Variants in ATG7 observed in about 807,000 individuals in gnomAD.
ATG7 encodes ubiquitin-like modifier-activating enzyme ATG7.
ATG7 carries 70 observed loss-of-function variants against 82.4 expected under a neutral mutation model. That is an observed-to-expected ratio of 0.85 (90% CI 0.70 to 1.04). The LOEUF (loss-of-function observed/expected upper bound fraction) is 1.04. Ranked by LOEUF, ATG7 falls within the 50% of genes least tolerant of loss-of-function variation. ATG7 has a pLI of 0.00. For missense variants in ATG7, 792 were observed against 864.3 expected (o/e 0.92, Z 1.05); for synonymous variants, 287 against 313.0 (o/e 0.92, Z 0.88).
chr3:11,451,886 G>GAT (rs1553675422), intron 20 of ATG7, among the ~76,000 whole-genome samples: 4 of 145,426 alleles, frequency 2.8e-5, no homozygotes, highest in African/African-American at 1.0e-4. Flanking sequence ...CACACACACA[G>GAT]ACACACACAC....
At chr3:11,524,228 C>G (rs1405691818) in intron 20 of ATG7, among the ~76,000 whole-genome samples, 2 of 152,182 alleles carry the variant, frequency 1.3e-5, no homozygotes, top group Non-Finnish European at 2.9e-5. Flanking sequence ...CTTAGTTAAG[C>G]TGAAGTTGAA....
chr3:11,440,673 G>GTTTTTTT (rs2083836620), intron 20 of ATG7, among the ~76,000 whole-genome samples: 7 of 32,698 alleles, frequency 2.1e-4, no homozygotes, highest in South Asian at 1.8e-3. Context: ...GTCCCCATTT[G>GTTTTTTT]CTTTTTTTTT....
At chr3:11,355,287 C>T (rs1001436236) in intron 14 of ATG7, among the ~76,000 whole-genome samples, 6 of 152,028 alleles carry the variant, frequency 3.9e-5, no homozygotes, top group African/African-American at 7.3e-5. Context: ...CCAGAATGGC[C>T]CCTATAAAGT....
intron 20 of ATG7, among the ~76,000 whole-genome samples, chr3:11,499,146 A>G (rs2091114726): frequency 6.6e-6 from 1 of 152,194 alleles, no homozygotes; most frequent in South Asian, 2.1e-4. Context: ...AAGAAAATAT[A>G]ATCATTTTAT....
chr3:11,274,030 T>C (rs963145132), intron 1 of ATG7, among the ~76,000 whole-genome samples: 22 of 152,216 alleles, frequency 1.4e-4, no homozygotes, highest in African/African-American at 4.8e-4. Context: ...GTGTCACCTA[T>C]AGCCCTTTGC....
chr3:11,536,339 A>G (rs1276759979), intron 20 of ATG7, among the ~76,000 whole-genome samples: 3 of 152,186 alleles, frequency 2.0e-5, no homozygotes, highest in Non-Finnish European at 4.4e-5. Context: ...CTTGCTATCA[A>G]TGTGGGCTCA....
At chr3:11,545,046 G>T (rs909879373) in intron 20 of ATG7, among the ~76,000 whole-genome samples, 1 of 152,200 alleles carries the variant, frequency 6.6e-6, no homozygotes, top group Non-Finnish European at 1.5e-5. Context: ...TGTGGGAGGG[G>T]CTGCGGAGAG....
At chr3:11,492,281 T>C (rs1385100236) in intron 20 of ATG7, among the ~76,000 whole-genome samples, 1 of 152,182 alleles carries the variant, frequency 6.6e-6, no homozygotes, top group African/African-American at 2.4e-5. Context: ...CCTGACCCCT[T>C]GCACTTCCCG....
chr3:11,415,949 A>G (rs776829839), intron 19 of ATG7, among the ~76,000 whole-genome samples: 4 of 152,158 alleles, frequency 2.6e-5, no homozygotes, highest in Non-Finnish European at 4.4e-5. Context: ...CACCACAAAC[A>G]TGGAAGTAAT....
intron 20 of ATG7, chr3:11,446,712 G>T: frequency 4.2e-6 from 1 of 240,042 alleles, no homozygotes; most frequent in South Asian, 4.0e-5. Context: ...CACTGCCAGG[G>T]ACTCAACCTC....
chr3:11,524,981 A>G (rs1451039959), intron 20 of ATG7, among the ~76,000 whole-genome samples: 1 of 152,132 alleles, frequency 6.6e-6, no homozygotes. Flanking sequence ...CCGCTTCAGA[A>G]TTTGCTATGA....
chr3:11,508,479 G>C (rs1218728848), intron 20 of ATG7, among the ~76,000 whole-genome samples: 4 of 152,288 alleles, frequency 2.6e-5, no homozygotes, highest in Admixed American at 2.6e-4. Flanking sequence ...ATAAGAGACA[G>C]AGTCTTGCTC....
rs377564180 is a variant in ATG7, at chr3:11,342,271, A to T, written c.1117A>T (p.Thr373Ser). 3.7e-6 allele frequency: 6 copies of T among 1,612,360 alleles called. No homozygotes were observed. The highest frequency in any genetic ancestry group is 4.2e-6 in the Non-Finnish European group (5 of 1,179,704). Residue 373 changes from threonine to serine, a missense_variant, in exon 13 of 21, where the codon ACG becomes TCG. Thr to Ser is a moderately conservative substitution (Grantham distance 58, BLOSUM62 1). Transcript: ENST00000693202. ...AGTLGCNVAR[T>S]LMGWGVRHIT... ...CACCTTGGGTTGCAATGTAGCTAGGACGTTGATGGTAAGTCGGAGGTGGGG... is the reference window on the plus strand; with the variant it reads ...CACCTTGGGTTGCAATGTAGCTAGGTCGTTGATGGTAAGTCGGAGGTGGGG...
intron 18 of ATG7, among the ~76,000 whole-genome samples, chr3:11,368,845 A>G (rs1029035946): frequency 2.0e-5 from 3 of 151,076 alleles, no homozygotes; most frequent in South Asian, 2.1e-4. Context: ...AGCAGTTCAC[A>G]TCTTTTGTCT....
intron 20 of ATG7, among the ~76,000 whole-genome samples, chr3:11,502,201 CTTT>C (rs565183236): frequency 2.8e-5 from 4 of 144,872 alleles, no homozygotes; most frequent in African/African-American, 5.1e-5. Context: ...ACGTTAAATT[CTTT>C]TTTTTTTTAA....
chr3:11,435,292 C>T (rs988363384), intron 20 of ATG7, among the ~76,000 whole-genome samples: 3 of 152,032 alleles, frequency 2.0e-5, no homozygotes, highest in East Asian at 3.9e-4. Flanking sequence ...TGTCACTGTA[C>T]GTATAAATCT....
intron 20 of ATG7, among the ~76,000 whole-genome samples, chr3:11,513,740 G>C (rs2092165879): frequency 6.6e-6 from 1 of 152,186 alleles, no homozygotes; most frequent in African/African-American, 2.4e-5. Context: ...CAAAGTGGGA[G>C]CCCAGGCAGA....
chr3:11,427,926 C>G (rs1385565556), intron 20 of ATG7, among the ~76,000 whole-genome samples: 1 of 152,146 alleles, frequency 6.6e-6, no homozygotes, highest in Non-Finnish European at 1.5e-5. Context: ...ATGTGCAATT[C>G]CTCAGAATTG....
intron 18 of ATG7, among the ~76,000 whole-genome samples, chr3:11,377,689 A>G (rs2077525670): frequency 6.6e-6 from 1 of 152,210 alleles, no homozygotes; most frequent in Non-Finnish European, 1.5e-5. Context: ...AAAAACTTTA[A>G]TGGAAAAATA....
Sources: allele counts gnomAD v4.1 joint callset (sites outside exome capture counted in the v4.1 genomes callset), GRCh38; gene constraint gnomAD v4.1.1; transcripts MANE v1.5; gene names NCBI Gene and HGNC (gene_info 2026-07-23, HGNC 2026-07-21).